The following GALNT13 variants were observed in gnomAD, a reference collection of about 807,000 sequenced individuals.
GALNT13 encodes polypeptide N-acetylgalactosaminyltransferase 13, also known as UDP-GalNAc:polypeptide N-acetylgalactosaminyltransferase 13.
In GALNT13, 28 loss-of-function variants were observed where a neutral mutation model predicts 64.2. The ratio of observed to expected loss-of-function variants is 0.44; its 90% CI spans 0.32 to 0.60. The LOEUF is 0.60. Among genes scored for constraint, GALNT13 ranks in the 20% least tolerant of loss-of-function variants. The pLI is 0.05. For missense variants in GALNT13, 577 were observed against 669.8 expected (o/e 0.86, Z 1.53); for synonymous variants, 214 against 224.6 (o/e 0.95, Z 0.42).
intron 2 of GALNT13, among the ~76,000 whole-genome samples, chr2:153,918,960 C>T (rs543176386): frequency 6.6e-6 from 1 of 152,214 alleles, no homozygotes; most frequent in South Asian, 2.1e-4. Context: ...TTGTCTGAAG[C>T]TGCTTCAAGC....
At chr2:153,792,234 G>A in the GALNT13 span, among the ~76,000 whole-genome samples, 1 of 152,042 alleles carries the variant, frequency 6.6e-6, no homozygotes, top group Non-Finnish European at 1.5e-5. Flanking sequence ...ACCAACTGAG[G>A]ATTGAAAATA....
At chr2:154,216,392 G>T (rs1255537080) in intron 4 of GALNT13, among the ~76,000 whole-genome samples, 2 of 152,066 alleles carry the variant, frequency 1.3e-5, no homozygotes, top group Admixed American at 1.3e-4. Flanking sequence ...AACTTGATTG[G>T]TTGTGAGTAT....
At chr2:153,242,734 C>T in the GALNT13 span, among the ~76,000 whole-genome samples, 7 of 152,108 alleles carry the variant, frequency 4.6e-5, no homozygotes, top group African/African-American at 1.7e-4. Context: ...AATTGTTTTT[C>T]TCCATTTTAT....
chr2:153,587,295 T>C, the GALNT13 span, among the ~76,000 whole-genome samples: 1 of 150,378 alleles, frequency 6.6e-6, no homozygotes, highest in Non-Finnish European at 1.5e-5. Flanking sequence ...GGACAAAACA[T>C]ACCAAAACTT....
At chr2:154,197,848 A>G (rs1257547594) in intron 4 of GALNT13, among the ~76,000 whole-genome samples, 2 of 152,088 alleles carry the variant, frequency 1.3e-5, no homozygotes, top group Admixed American at 6.6e-5. Context: ...CTTAAAAGAC[A>G]TTGATCTAGT....
rs1447659297 is a variant in GALNT13, at chr2:154,451,399, A to G, written c.*848A>G. ...CTACCATCCCTTTTCTCTTCACTCT[A>G]TAGACAGTGGCATGCCATTGATGCT... On this transcript the variant is annotated 3_prime_UTR_variant, in exon 13 of 13. Transcript: ENST00000392825. 2.6e-5 allele frequency: 4 copies of G among 152,042 alleles called. No individual in the cohort carries two copies. The highest frequency in any genetic ancestry group is 4.8e-5 in the African/African-American group (2 of 41,412). 9.4% of individuals were successfully genotyped at this position (152,042 alleles called of 1,614,324 possible).
chr2:154,228,119 C>G (rs779333117), intron 4 of GALNT13, among the ~76,000 whole-genome samples: 1 of 152,024 alleles, frequency 6.6e-6, no homozygotes, highest in Non-Finnish European at 1.5e-5. Flanking sequence ...TCAGATGATT[C>G]TGATGTTAGT....
intron 9 of GALNT13, among the ~76,000 whole-genome samples, chr2:154,349,231 T>C (rs868826794): frequency 6.6e-6 from 1 of 152,182 alleles, no homozygotes; most frequent in Non-Finnish European, 1.5e-5. Flanking sequence ...CATTAATAAT[T>C]AGACACATAA....
the GALNT13 span, among the ~76,000 whole-genome samples, chr2:153,094,676 G>A: frequency 1.3e-5 from 2 of 152,128 alleles, no homozygotes; most frequent in African/African-American, 2.4e-5. Context: ...CATGGTGCTG[G>A]TACCAAAACA....
At chr2:153,811,907 C>G in the GALNT13 span, among the ~76,000 whole-genome samples, 26 of 152,266 alleles carry the variant, frequency 1.7e-4, no homozygotes, top group African/African-American at 5.3e-4. Context: ...ATCTCTATCT[C>G]TTTTTAAATT....
chr2:153,240,117 T>C, the GALNT13 span, among the ~76,000 whole-genome samples: 1 of 152,182 alleles, frequency 6.6e-6, no homozygotes, highest in East Asian at 1.9e-4. Context: ...TATAGTTGCT[T>C]ATCTTAACCT....
intron 4 of GALNT13, among the ~76,000 whole-genome samples, chr2:154,210,675 T>A (rs900875238): frequency 6.6e-6 from 1 of 152,180 alleles, no homozygotes; most frequent in African/African-American, 2.4e-5. Flanking sequence ...GAGATTGATA[T>A]GATCATAATT....
the GALNT13 span, among the ~76,000 whole-genome samples, chr2:153,383,162 A>G: frequency 2.7e-3 from 414 of 152,210 alleles, 2 homozygotes; most frequent in African/African-American, 9.1e-3. Flanking sequence ...GAATTAAATA[A>G]TTTTACCTTG....
intron 4 of GALNT13, among the ~76,000 whole-genome samples, chr2:154,238,189 A>T (rs1034988680): frequency 1.3e-5 from 2 of 152,038 alleles, no homozygotes; most frequent in African/African-American, 4.8e-5. Flanking sequence ...TATCCACAAG[A>T]GGTTGACACT....
the GALNT13 span, among the ~76,000 whole-genome samples, chr2:153,315,303 CA>C: frequency 6.6e-6 from 1 of 152,108 alleles, no homozygotes; most frequent in East Asian, 1.9e-4. Context: ...GGCAAGGACC[CA>C]CTTTCTGGTT....
At chr2:154,285,313 T>C (rs1404731900) in intron 8 of GALNT13, among the ~76,000 whole-genome samples, 3 of 152,200 alleles carry the variant, frequency 2.0e-5, no homozygotes, top group Non-Finnish European at 4.4e-5. Context: ...CATGGAGTTT[T>C]TTCCCCATGT....
chr2:153,075,547 G>A, the GALNT13 span, among the ~76,000 whole-genome samples: 207 of 152,140 alleles, frequency 1.4e-3, no homozygotes, highest in Non-Finnish European at 2.2e-3. Flanking sequence ...ATCTCCCTAG[G>A]ATTGAGCAAC....
the GALNT13 span, among the ~76,000 whole-genome samples, chr2:153,576,269 C>T: frequency 6.6e-6 from 1 of 152,122 alleles, no homozygotes; most frequent in East Asian, 1.9e-4. Context: ...CGGCTGGTCT[C>T]TTAGTAGGTC....
chr2:153,671,832 G>A, the GALNT13 span, among the ~76,000 whole-genome samples: 35,315 of 151,864 alleles, frequency 0.23, 4,657 homozygotes, highest in Admixed American at 0.36. Flanking sequence ...ACACACGTAG[G>A]CTCAAAATAA....
Sources: gnomAD v4.1 joint callset for allele counts (sites outside exome capture counted in the v4.1 genomes callset) on GRCh38, gnomAD v4.1.1 for gene constraint, MANE v1.5 for transcripts, NCBI Gene and HGNC (gene_info 2026-07-23, HGNC 2026-07-21) for gene names.